APOLD1: variants seen among roughly 807,000 people sequenced by gnomAD.
APOLD1 encodes the protein apolipoprotein L domain-containing protein 1.
Under a neutral mutation model 15.3 loss-of-function variants are expected in APOLD1, and 22 were observed. The observed-to-expected ratio is 1.44, with a 90% CI of 1.03 to 2.05. The LOEUF (loss-of-function observed/expected upper bound fraction) is 2.05, where lower values mean the gene tolerates loss of function less well. Among genes scored for constraint, APOLD1 ranks in the 30% most tolerant of loss-of-function variants. The pLI is 0.00. For missense variants in APOLD1, 394 were observed against 353.5 expected, an observed-to-expected ratio of 1.11 and a Z score of -0.92; for synonymous variants, 190 against 167.4, an observed-to-expected ratio of 1.13 and a Z score of -1.04.
At chr12:12,743,641 A>G (rs1386390395) in intron 1 of APOLD1, among the ~76,000 whole-genome samples, 1 of 152,176 alleles carries the variant, frequency 6.6e-6, no homozygotes, top group African/African-American at 2.4e-5. Context: ...AGAGCCTATT[A>G]ATATGGTATG....
chr12:12,728,969 C>A (rs910795499), intron 1 of APOLD1, among the ~76,000 whole-genome samples: 1 of 152,146 alleles, frequency 6.6e-6, no homozygotes, highest in Non-Finnish European at 1.5e-5. Context: ...TTCATCTGCA[C>A]CTCTTTACAC....
chr12:12,777,946 C>T (rs1761039524), intron 1 of APOLD1, among the ~76,000 whole-genome samples: 1 of 125,680 alleles, frequency 8.0e-6, no homozygotes, highest in Admixed American at 9.3e-5. Flanking sequence ...TTTTTTGAGA[C>T]AGGGTCTCAC....
intron 1 of APOLD1, among the ~76,000 whole-genome samples, chr12:12,760,463 C>T (rs112472399): frequency 0.13 from 20,267 of 152,078 alleles, 1,489 homozygotes; most frequent in South Asian, 0.25. Flanking sequence ...CATGTCAAAA[C>T]CCCGTCTTTA....
In APOLD1 at chr12:12,755,326, CA is replaced by C. The variant is rs200635120; in HGVS notation, c.96+29239del. Among the ~76,000 whole-genome samples, 23 of 147,368 alleles carry C rather than the reference CA, an allele frequency of 1.6e-4. 1 individual carries two copies. The East Asian group carries it at 2.8e-3, about 18-fold the overall frequency. On this transcript the variant is annotated intron_variant, in intron 1 of 1. Coordinates refer to the APOLD1 transcript ENST00000326765. ...ATTCAAAATGAACAGCAATTTTTAG[CA>C]AAAAAAAAGGATAATATTTTTATGG...
intron 1 of APOLD1, among the ~76,000 whole-genome samples, chr12:12,764,898 G>C (rs1946932894): frequency 6.6e-6 from 1 of 152,154 alleles, no homozygotes. Context: ...ATAAAGATTT[G>C]TTTCTTATTC....
chr12:12,752,762 C>T (rs1371034781), intron 1 of APOLD1, among the ~76,000 whole-genome samples: 1 of 152,144 alleles, frequency 6.6e-6, no homozygotes, highest in Non-Finnish European at 1.5e-5. Context: ...ATAGCGGACA[C>T]TAAGAATACT....
At chr12:12,740,458 C>T (rs183521635) in intron 1 of APOLD1, among the ~76,000 whole-genome samples, 12 of 152,278 alleles carry the variant, frequency 7.9e-5, no homozygotes, top group Admixed American at 7.9e-4. Context: ...TTGCTTCAGC[C>T]CTGAGGTCCC....
upstream of APOLD1, among the ~76,000 whole-genome samples, chr12:12,784,473 C>G (rs1947108742): frequency 1.3e-5 from 2 of 152,112 alleles, no homozygotes; most frequent in African/African-American, 4.8e-5. Context: ...TGGACCAAAT[C>G]TAGAATAATC....
At chr12:12,779,342 T>G (rs1947062121) in intron 1 of APOLD1, among the ~76,000 whole-genome samples, 1 of 152,154 alleles carries the variant, frequency 6.6e-6, no homozygotes, top group South Asian at 2.1e-4. Flanking sequence ...GGACTATATC[T>G]TATTTAGCTT....
intron 1 of APOLD1, chr12:12,726,156 C>CAAAAAAAAAAAAA: frequency 6.2e-5 from 7 of 113,664 alleles, no homozygotes; most frequent in South Asian, 8.8e-5. Flanking sequence ...TCTTCGCAAC[C>CAAAAAAAAAAAAA]AAAAAAAAAA....
At chr12:12,781,451 T>C (rs1435442996), upstream of APOLD1, among the ~76,000 whole-genome samples, 1 of 150,812 alleles carries the variant, frequency 6.6e-6, no homozygotes, top group African/African-American at 2.4e-5. Flanking sequence ...AAATAAAAAA[T>C]AAAATAACTG....
chr12:12,765,413 GA>G (rs1474833689), intron 1 of APOLD1, among the ~76,000 whole-genome samples: 1 of 151,988 alleles, frequency 6.6e-6, no homozygotes. Context: ...GTGATTAAAT[GA>G]ATAAAGATAA....
At chr12:12,786,881 G>T (rs1947129262) in intron 1 of APOLD1, 28 bp from the exon 2 acceptor site, 2 of 1,403,694 alleles carry the variant, frequency 1.4e-6, no homozygotes, top group Admixed American at 3.6e-5. Context: ...GGAGACTCCA[G>T]GCTGACCGCG....
chr12:12,787,169 G>C lies in APOLD1; in HGVS notation c.264G>C (p.Ser88=). ...PVTLGTSLLV[S]AVGLGVATAG... Reference sequence around the variant, plus strand: ...CCCTGGGGACCTCGCTGCTGGTGTCGGCCGTGGGGCTGGGGGTGGCCACAG... The same window carrying C: ...CCCTGGGGACCTCGCTGCTGGTGTCCGCCGTGGGGCTGGGGGTGGCCACAG... Residue 88 remains serine (S), a synonymous_variant, in exon 2 of 2, where the codon TCG becomes TCC. Coordinates refer to ENST00000356591, the MANE Select transcript of APOLD1 (RefSeq NM_030817.3). The surrounding 1 kb of genome is among the most constrained non-coding windows in gnomAD (Gnocchi z 4.9). 1 of 1,524,836 alleles carries C rather than the reference G, an allele frequency of 6.6e-7. No individual in the cohort carries two copies. The highest frequency in any genetic ancestry group is 8.7e-7 in the Non-Finnish European group (1 of 1,146,260). The allele number at this position is 1,524,836 out of a possible 1,614,324, so 94.5% of individuals were successfully genotyped here.
chr12:12,731,536 A>G (rs969851832), intron 1 of APOLD1, among the ~76,000 whole-genome samples: 1 of 152,212 alleles, frequency 6.6e-6, no homozygotes, highest in Non-Finnish European at 1.5e-5. Context: ...CCCACATATC[A>G]CAGGGTTAAT....
rs548717525 is a variant in APOLD1 at position 12,759,684 on chromosome 12, G to A, written c.97-27225G>A. On this transcript the variant is annotated intron_variant, in intron 1 of 1. Coordinates refer to the APOLD1 transcript ENST00000326765. ...GAAGTGTGTTGAAGGGACTGACCCCGTCTGCAGCTCGGGCTGCCTTGACGT... is the reference window on the plus strand; with the variant it reads ...GAAGTGTGTTGAAGGGACTGACCCCATCTGCAGCTCGGGCTGCCTTGACGT... Among the ~76,000 whole-genome samples, 56 of 152,302 alleles carry A rather than the reference G, an allele frequency of 3.7e-4. No homozygotes were observed. The South Asian group carries it at 0.011, about 30-fold the overall frequency.
At chr12:12,727,580 TA>T (rs1946602620) in intron 1 of APOLD1, among the ~76,000 whole-genome samples, 1 of 149,534 alleles carries the variant, frequency 6.7e-6, no homozygotes, top group Admixed American at 6.7e-5. Context: ...CTGAAAGCTT[TA>T]TTATTTATTT....
At chr12:12,732,729 C>CAAAAAAAAAAA (rs34221371) in intron 1 of APOLD1, among the ~76,000 whole-genome samples, 2 of 87,672 alleles carry the variant, frequency 2.3e-5, no homozygotes, top group Non-Finnish European at 2.6e-5. Flanking sequence ...GACTCTGTCT[C>CAAAAAAAAAAA]AAAAAAAAAA....
chr12:12,769,217 G>C (rs1592304181), intron 1 of APOLD1, among the ~76,000 whole-genome samples: 1 of 106,450 alleles, frequency 9.4e-6, no homozygotes, highest in African/African-American at 3.9e-5. Flanking sequence ...AACAGAGCAA[G>C]ACCTCCAGCT....
Sources: gnomAD v4.1 joint callset for allele counts (sites outside exome capture counted in the v4.1 genomes callset) on GRCh38, gnomAD v4.1.1 for gene constraint, Gnocchi (gnomAD v3.1) non-coding constraint, MANE v1.5 for transcripts, NCBI Gene and HGNC (gene_info 2026-07-23, HGNC 2026-07-21) for gene names.